The following NKD2 variants were observed in gnomAD, a reference collection of about 807,000 sequenced individuals.
NKD2 encodes the protein protein naked cuticle homolog 2.
A neutral mutation model predicts 34.8 loss-of-function variants in NKD2; 43 were observed. The observed-to-expected ratio is 1.24, with a 90% CI of 0.97 to 1.60. NKD2 has a LOEUF of 1.60. Among genes scored for constraint, NKD2 ranks in the 40% most tolerant of loss-of-function variants. The probability of loss-of-function intolerance (pLI) is 0.00; values close to 1 mark genes in which losing one functional copy is unlikely to be tolerated. For synonymous variants in NKD2, 278 were observed against 265.1 expected (o/e 1.05, Z -0.47); for missense variants, 675 against 627.1 (o/e 1.08, Z -0.82).
intron 3 of NKD2, among the ~76,000 whole-genome samples, chr5:1,013,786 G>A (rs189823090): frequency 1.3e-5 from 2 of 152,320 alleles, no homozygotes; most frequent in East Asian, 1.9e-4. Flanking sequence ...GGTGGAGGCC[G>A]GAGGCTGGCC....
chr5:1,034,091 C>A (rs1180390829), intron 5 of NKD2, 144 bp from the exon 6 acceptor site: 4 of 628,480 alleles, frequency 6.4e-6, no homozygotes, highest in African/African-American at 5.5e-5. Flanking sequence ...GCTTGAGCTC[C>A]AGCCACGCTG....
At position 1,009,258 on chromosome 5, in the gene NKD2, G is replaced by A. The variant is rs1447845577; in HGVS notation, c.61+44G>A. On this transcript the variant is annotated intron_variant, in intron 2 of 9. Transcript: ENST00000296849. This position sits in a 1 kb window ranked among gnomAD's most constrained non-coding sequence, Gnocchi z 6.9. ...GGGCGGGGCGGGGGGCGGCGACCCG[G>A]CCCGGGACCCTCAGAGCTAGGAGCC... 4.1e-6 allele frequency: 2 copies of A among 486,852 alleles called. No homozygotes were observed. Among genetic ancestry groups the A allele is most frequent in the South Asian group, 3.3e-5 (1 of 30,604 alleles). 30.2% of individuals were successfully genotyped at this position (486,852 alleles called of 1,614,324 possible). A position where few individuals can be genotyped will look rare whatever the true frequency, so the allele number is the denominator to read the frequency against.
intron 9 of NKD2, among the ~76,000 whole-genome samples, chr5:1,037,105 C>G (rs1734020044): frequency 6.6e-6 from 1 of 151,812 alleles, no homozygotes; most frequent in Admixed American, 6.6e-5. Context: ...GGATGGCAGG[C>G]AAGCAGGTGG....
chr5:1,029,040 C>T (rs897548609), intron 3 of NKD2, among the ~76,000 whole-genome samples: 2 of 152,228 alleles, frequency 1.3e-5, no homozygotes, highest in African/African-American at 4.8e-5. Flanking sequence ...AATTAAAGCT[C>T]TTGGCCTTCT....
At chr5:1,030,474 C>T (rs565395636) in intron 3 of NKD2, among the ~76,000 whole-genome samples, 1 of 152,340 alleles carries the variant, frequency 6.6e-6, no homozygotes, top group East Asian at 1.9e-4. Flanking sequence ...GGCTGCAACT[C>T]TGGGGCTCTG....
chr5:1,009,603 C>T lies in NKD2; in HGVS notation c.141+43C>T. On this transcript the variant is annotated intron_variant, in intron 3 of 9. Transcript: ENST00000296849. This position sits in a 1 kb window ranked among gnomAD's most constrained non-coding sequence, Gnocchi z 6.9. The stretch of plus-strand genomic sequence containing the variant: ...GGCTGGGGTCGCGCTGCGCACCCGC[C>T]CGGGGGCGGGGAGCGGTGTCAGAGC... 1 of 1,383,432 alleles carries T rather than the reference C, an allele frequency of 7.2e-7. No homozygotes were observed. The allele number at this position is 1,383,432 out of a possible 1,614,324, so 85.7% of individuals were successfully genotyped here. A position where few individuals can be genotyped will look rare whatever the true frequency, so the allele number is the denominator to read the frequency against.
intron 3 of NKD2, among the ~76,000 whole-genome samples, chr5:1,027,228 A>G (rs1384974933): frequency 6.6e-6 from 1 of 152,206 alleles, no homozygotes; most frequent in African/African-American, 2.4e-5. Context: ...CCACAGTGCA[A>G]GGTGGCCAAG....
intron 3 of NKD2, among the ~76,000 whole-genome samples, chr5:1,013,520 C>A (rs1755835850): frequency 6.6e-6 from 1 of 152,222 alleles, no homozygotes; most frequent in South Asian, 2.1e-4. Flanking sequence ...GTCGAGGTCA[C>A]CTCTGGGCAT....
intron 9 of NKD2, among the ~76,000 whole-genome samples, chr5:1,037,068 CCAGGCAGTGTGGACAG>C (rs891861590): frequency 1.3e-4 from 17 of 127,544 alleles, no homozygotes; most frequent in South Asian, 3.1e-4. Flanking sequence ...TGGATGGCAG[CCAGGCAGTGTGGACAG>C]CAGGCAGTGT....
chr5:1,034,466 T>A (rs377451212), intron 6 of NKD2, 136 bp downstream of exon 6: 4 of 778,046 alleles, frequency 5.1e-6, no homozygotes, highest in East Asian at 5.3e-5. Flanking sequence ...TGGGCTTGCG[T>A]CTCCCCAGGG....
At chr5:1,015,286 G>C (rs1185579993) in intron 3 of NKD2, among the ~76,000 whole-genome samples, 1 of 152,230 alleles carries the variant, frequency 6.6e-6, no homozygotes, top group East Asian at 1.9e-4. Context: ...GGCCAGGTGT[G>C]GTGGGAGCAG....
chr5:1,019,278 C>A (rs1756080263), intron 3 of NKD2, among the ~76,000 whole-genome samples: 1 of 152,186 alleles, frequency 6.6e-6, no homozygotes, highest in South Asian at 2.1e-4. Context: ...GCCTCCAGGC[C>A]TTGGATCCGG....
At chr5:1,013,654 C>T (rs1044479855) in intron 3 of NKD2, among the ~76,000 whole-genome samples, 13 of 152,180 alleles carry the variant, frequency 8.5e-5, no homozygotes, top group Non-Finnish European at 1.3e-4. Flanking sequence ...TCCACCAAGC[C>T]GCAGGCATCC....
intron 3 of NKD2, among the ~76,000 whole-genome samples, chr5:1,027,592 G>A (rs1293079395): frequency 1.3e-5 from 2 of 152,204 alleles, no homozygotes; most frequent in Non-Finnish European, 2.9e-5. Context: ...CTGGCCTCCT[G>A]GACACGCTGT....
At chr5:1,013,815 G>A (rs894805850) in intron 3 of NKD2, among the ~76,000 whole-genome samples, 1 of 152,184 alleles carries the variant, frequency 6.6e-6, no homozygotes, top group African/African-American at 2.4e-5. Flanking sequence ...GGTCCTGCCC[G>A]CTCGGGTCAC....
chr5:1,026,203 G>A (rs1229773283), intron 3 of NKD2, among the ~76,000 whole-genome samples: 1 of 35,738 alleles, frequency 2.8e-5, no homozygotes, highest in Non-Finnish European at 7.7e-5. Flanking sequence ...CTCTGTGGGC[G>A]TCTCAGCCCA....
At chr5:1,030,068 C>T (rs368620671) in intron 3 of NKD2, among the ~76,000 whole-genome samples, 3 of 151,956 alleles carry the variant, frequency 2.0e-5, no homozygotes, top group African/African-American at 7.3e-5. Flanking sequence ...GTCCCCTGCA[C>T]CCTCCCCACA....
intron 3 of NKD2, among the ~76,000 whole-genome samples, chr5:1,016,104 C>G (rs530133158): frequency 1.3e-5 from 2 of 152,366 alleles, no homozygotes; most frequent in Admixed American, 6.5e-5. Context: ...GGATCCCCCC[C>G]CACACCGGAC....
Position 1,038,313 on chromosome 5 carries a change from G to GCACCAC in NKD2, c.1306_1311dup (p.His436_His437dup), listed in dbSNP as rs773287517. On this transcript the variant is annotated inframe_insertion, in exon 10 of 10. Coordinates refer to ENST00000296849, the MANE Select transcript of NKD2 (RefSeq NM_033120.4). This position sits in a 1 kb window ranked among gnomAD's most constrained non-coding sequence, Gnocchi z 4.5. ...CGGTGCCAGTGATCCAGCGGCACGA[G>GCACCAC]CACCACCACCACCACGAGCACCACC... The GCACCAC allele has an allele frequency of 1.2e-5, 18 of 1,538,202 alleles. No individual in the cohort carries two copies. In the East Asian group the frequency reaches 2.9e-4, roughly 25 times the overall value.
Sources: allele counts gnomAD v4.1 joint callset (sites outside exome capture counted in the v4.1 genomes callset), GRCh38; gene constraint gnomAD v4.1.1; non-coding constraint Gnocchi (gnomAD v3.1); transcripts MANE v1.5; gene names NCBI Gene and HGNC (gene_info 2026-07-23, HGNC 2026-07-21).